Variants in ATG4B observed in about 807,000 individuals in gnomAD.
The protein encoded by ATG4B is autophagy related 4B cysteine peptidase.
A neutral mutation model predicts 56.6 loss-of-function variants in ATG4B; 29 were observed. The observed-to-expected ratio is 0.51, with a 90% CI of 0.38 to 0.70. The LOEUF is 0.70. Among genes scored for constraint, ATG4B ranks in the 30% least tolerant of loss-of-function variants. ATG4B has a pLI of 0.00. For missense variants in ATG4B, 461 were observed against 515.5 expected (o/e 0.89, Z 1.02); for synonymous variants, 224 against 206.1 (o/e 1.09, Z -0.74).
chr2:241,654,475 C>T (rs1473349110), intron 4 of ATG4B, 71 bp from the exon 5 acceptor site: 1 of 750,706 alleles, frequency 1.3e-6, no homozygotes, highest in East Asian at 3.2e-5. Context: ...CCATCTGTAT[C>T]TTTAGTGTGA....
At chr2:241,656,214 G>A (rs987712482) in intron 6 of ATG4B, among the ~76,000 whole-genome samples, 1 of 152,098 alleles carries the variant, frequency 6.6e-6, no homozygotes, top group Admixed American at 6.5e-5. Context: ...CTGCTCCTCA[G>A]CATGGCAGTC....
At chr2:241,647,202 C>T (rs907220319) in intron 1 of ATG4B, among the ~76,000 whole-genome samples, 2 of 152,218 alleles carry the variant, frequency 1.3e-5, no homozygotes, top group African/African-American at 4.8e-5. Flanking sequence ...TCATTTAGCT[C>T]TGCTGTACTT....
chr2:241,669,808 G>A (rs755147599), intron 10 of ATG4B, among the ~76,000 whole-genome samples: 13 of 152,204 alleles, frequency 8.5e-5, no homozygotes, highest in Non-Finnish European at 1.6e-4. Context: ...CGCGCAGCCT[G>A]GCGCACACTT....
chr2:241,651,157 C>T lies in ATG4B; in HGVS notation c.112+46C>T. 1.3e-6 allele frequency: 2 copies of T among 1,574,704 alleles called. No homozygotes were observed. The highest frequency in any genetic ancestry group is 1.7e-6 in the Non-Finnish European group (2 of 1,153,888). Reference sequence around the variant, plus strand: ...CACCCTGGTCTGACCGCTTGGCCTGCAGAAGCATTTTGTGATCACTGTTCT... The same window carrying T: ...CACCCTGGTCTGACCGCTTGGCCTGTAGAAGCATTTTGTGATCACTGTTCT... On this transcript the variant is annotated intron_variant, in intron 2 of 12. Coordinates refer to ENST00000404914, the MANE Select transcript of ATG4B (RefSeq NM_013325.5). This position sits in a 1 kb window ranked among gnomAD's most constrained non-coding sequence, Gnocchi z 4.1.
At chr2:241,656,714 T>C (rs1036917126) in intron 6 of ATG4B, among the ~76,000 whole-genome samples, 24 of 152,152 alleles carry the variant, frequency 1.6e-4, no homozygotes, top group Admixed American at 1.1e-3. Context: ...TCCACCTGGG[T>C]ATCTGTGTGC....
At chr2:241,646,628 G>A (rs186201303) in intron 1 of ATG4B, among the ~76,000 whole-genome samples, 1 of 152,268 alleles carries the variant, frequency 6.6e-6, no homozygotes, top group East Asian at 1.9e-4. Context: ...CTCCTCGTCA[G>A]CCACATCATG....
chr2:241,662,931 C>T (rs2068634864), intron 7 of ATG4B, among the ~76,000 whole-genome samples: 8 of 151,636 alleles, frequency 5.3e-5, no homozygotes, highest in Admixed American at 5.3e-4. Flanking sequence ...GCCTATAATC[C>T]CAACTTCAAA....
At chr2:241,642,239 G>C (rs1254840106) in intron 1 of ATG4B, among the ~76,000 whole-genome samples, 2 of 151,504 alleles carry the variant, frequency 1.3e-5, no homozygotes, top group African/African-American at 4.8e-5. Flanking sequence ...CGATCTAGGG[G>C]AGTGGGTTTT....
At chr2:241,663,535 C>G (rs2068655538) in intron 7 of ATG4B, among the ~76,000 whole-genome samples, 1 of 152,126 alleles carries the variant, frequency 6.6e-6, no homozygotes, top group Non-Finnish European at 1.5e-5. Flanking sequence ...CAGAAGAAAA[C>G]CTGTGTATCT....
chr2:241,660,469 C>T (rs1056040340), intron 7 of ATG4B, among the ~76,000 whole-genome samples: 11 of 152,218 alleles, frequency 7.2e-5, no homozygotes, highest in African/African-American at 2.7e-4. Flanking sequence ...AGCAGGCTCT[C>T]CTTCCAGGAT....
At chr2:241,654,873 G>A (rs952289067) in intron 5 of ATG4B, 2 of 583,104 alleles carry the variant, frequency 3.4e-6, no homozygotes, top group Admixed American at 6.4e-5. Context: ...TGCCCTTCCT[G>A]CTGTCCATGC....
At chr2:241,657,162 A>G (rs546207582) in intron 6 of ATG4B, among the ~76,000 whole-genome samples, 63 of 145,690 alleles carry the variant, frequency 4.3e-4, no homozygotes, top group Non-Finnish European at 8.1e-4. Context: ...TTTTTAGTAG[A>G]GATGGGGTTT....
rs376452400 is a variant in ATG4B, at chr2:241,671,663, A to G, written c.1108+258A>G. ...GCGCTGTGGAGCTGGGCGTGCTACC[A>G]TGGAGTCCTCAGGGGTCTGGAGCAG... is the stretch of plus-strand genomic sequence containing the variant. On this transcript the variant is annotated intron_variant, in intron 12 of 12. Coordinates refer to ENST00000404914, the MANE Select transcript of ATG4B (RefSeq NM_013325.5). The G allele has an allele frequency of 1.8e-5, 26 of 1,421,876 alleles. No homozygotes were observed. The African/African-American group carries it at 2.0e-4, about 11-fold the overall frequency. The allele number at this position is 1,421,876 out of a possible 1,614,324, so 88.1% of individuals were successfully genotyped here.
chr2:241,668,003 C>G lies in ATG4B; in HGVS notation c.733-140C>G. The G allele has an allele frequency of 1.4e-6, 1 of 735,794 alleles. No individual in the cohort carries two copies. The highest frequency in any genetic ancestry group is 2.2e-6 in the Non-Finnish European group (1 of 455,098). 45.6% of individuals were successfully genotyped at this position (735,794 alleles called of 1,614,324 possible). A position where few individuals can be genotyped will look rare whatever the true frequency, so the allele number is the denominator to read the frequency against. On this transcript the variant is annotated intron_variant, in intron 8 of 12. Transcript: ENST00000404914. This position sits in a 1 kb window ranked among gnomAD's most constrained non-coding sequence, Gnocchi z 4.2. The stretch of plus-strand genomic sequence containing the variant: ...TGTGGTCTTTCCTGGACAGTAAGCT[C>G]TTTGGTACCATGTCCCCTCCTGTCC...
chr2:241,662,812 C>T (rs1487462031), intron 7 of ATG4B, among the ~76,000 whole-genome samples: 2 of 151,850 alleles, frequency 1.3e-5, no homozygotes, highest in Non-Finnish European at 2.9e-5. Flanking sequence ...CGCGGTGGCT[C>T]ACGCCTATAA....
intron 6 of ATG4B, among the ~76,000 whole-genome samples, chr2:241,657,086 C>T (rs1455623327): frequency 1.3e-5 from 2 of 151,710 alleles, no homozygotes; most frequent in African/African-American, 4.9e-5. Context: ...AGCAGTTCTC[C>T]TGCCTCAGCC....
intron 4 of ATG4B, 119 bp from the exon 5 acceptor site, chr2:241,654,419 TAAAAAAAA>T (rs201525288): frequency 1.3e-3 from 551 of 438,758 alleles, no homozygotes; most frequent in East Asian, 0.012. Context: ...AGACTCTGTT[TAAAAAAAA>T]AAAAAAAAAA....
chr2:241,670,867 C>T, intron 11 of ATG4B, 85 bp downstream of exon 11: 2 of 1,388,562 alleles, frequency 1.4e-6, no homozygotes, highest in Admixed American at 2.0e-5. Context: ...AGGCCTGCGT[C>T]CAGGTCTCAG....
intron 1 of ATG4B, 132 bp from the exon 2 acceptor site, chr2:241,650,878 C>G: frequency 1.4e-6 from 1 of 735,782 alleles, no homozygotes; most frequent in Non-Finnish European, 2.2e-6. Context: ...GCCCGAGATA[C>G]GAGAGGGAGT....
Sources: gnomAD v4.1 joint callset for allele counts (sites outside exome capture counted in the v4.1 genomes callset) on GRCh38, gnomAD v4.1.1 for gene constraint, Gnocchi (gnomAD v3.1) non-coding constraint, MANE v1.5 for transcripts, NCBI Gene and HGNC (gene_info 2026-07-23, HGNC 2026-07-21) for gene names.